Variants in CDON observed in about 807,000 individuals in gnomAD.
CDON encodes cell adhesion molecule-related/down-regulated by oncogenes.
CDON carries 73 observed loss-of-function variants against 120.9 expected under a neutral mutation model. The ratio of observed to expected loss-of-function variants is 0.60; its 90% CI spans 0.50 to 0.73. CDON has a LOEUF of 0.73. CDON is among the 30% of genes least tolerant of loss of function. The pLI, the probability that CDON is intolerant of heterozygous loss-of-function variation, is 0.00. For synonymous variants in CDON, 566 were observed against 573.5 expected, an observed-to-expected ratio of 0.99 and a Z score of 0.19; for missense variants, 1,470 against 1,587.3, an observed-to-expected ratio of 0.93 and a Z score of 1.26.
chr11:125,972,164 G>T (rs11220291), intron 18 of CDON, among the ~76,000 whole-genome samples: 51 of 152,096 alleles, frequency 3.4e-4, no homozygotes, highest in Middle Eastern at 3.4e-3. Context: ...GGTAGCTCGC[G>T]CCTGTAATCT....
chr11:125,994,906 C>A lies in CDON; in HGVS notation c.2509G>T (p.Ala837Ser), dbSNP rs1946736335. 2 of 1,614,060 alleles carry A rather than the reference C, an allele frequency of 1.2e-6. No homozygotes were observed. The highest frequency in any genetic ancestry group is 1.7e-6 in the Non-Finnish European group (2 of 1,179,976). ...AGCATGATCTGAGTATCGCTGACAG[C>A]CTCTGTGTATGCAATGTGAGGTCCA... ...ITGPHIAYTE[A>S]VSDTQIMLKW... The change falls in exon 13 of 20, where the codon GCT (alanine) becomes TCT (serine). Residue 837 changes from alanine (A) to serine (S), a missense_variant. Physicochemically the swap from Ala to Ser is moderately conservative, Grantham distance 99 (BLOSUM62 1). Coordinates refer to ENST00000531738, the MANE Select transcript of CDON (RefSeq NM_001378964.1).
chr11:126,023,460 C>G lies in CDON; in HGVS notation c.17G>C (p.Gly6Ala), dbSNP rs1947696606. Reference protein sequence around the residue: MHPDLGPLCTLLYVTL... With the variant: MHPDLAPLCTLLYVTL... ...AACATACAGCAGTGTACATAAGGGT[C>G]CAAGATCCGGATGCATAGCGCCAGA... Residue 6 changes from glycine to alanine, a missense_variant, in exon 2 of 20, where the codon GGA becomes GCA. Transcript: ENST00000531738. The G allele has an allele frequency of 2.5e-6, 4 of 1,612,948 alleles. No individual in the cohort carries two copies. Among genetic ancestry groups the G allele is most frequent in the Non-Finnish European group, 3.4e-6 (4 of 1,178,938 alleles).
At chr11:125,973,134 C>T (rs1350344699) in intron 18 of CDON, among the ~76,000 whole-genome samples, 1 of 147,818 alleles carries the variant, frequency 6.8e-6, no homozygotes, top group Admixed American at 6.9e-5. Context: ...TGCTAGTCTA[C>T]TGTTTCTCAT....
intron 1 of CDON, among the ~76,000 whole-genome samples, chr11:126,024,164 G>C (rs1947719107): frequency 6.6e-6 from 1 of 152,248 alleles, no homozygotes; most frequent in South Asian, 2.1e-4. Context: ...GATGAAGCCA[G>C]AGAGGCAGGC....
At chr11:126,023,327 G>A in intron 2 of CDON, 74 bp downstream of exon 2, 1 of 923,182 alleles carries the variant, frequency 1.1e-6, no homozygotes, top group African/African-American at 1.6e-5. Flanking sequence ...ACAAAGCATT[G>A]AAGTACAAAT....
intron 1 of CDON, among the ~76,000 whole-genome samples, chr11:126,051,657 T>TC (rs1473842850): frequency 7.0e-6 from 1 of 142,546 alleles, no homozygotes; most frequent in Non-Finnish European, 1.5e-5. Context: ...TTTTTCTTTT[T>TC]TTTTTTTTTT....
At chr11:125,989,125 T>G (rs1421037488) in intron 15 of CDON, among the ~76,000 whole-genome samples, 3 of 152,168 alleles carry the variant, frequency 2.0e-5, no homozygotes, top group African/African-American at 7.2e-5. Context: ...GGATTAATGA[T>G]TATGTAAACT....
intron 14 of CDON, among the ~76,000 whole-genome samples, chr11:125,993,209 T>C (rs1946679232): frequency 6.6e-6 from 1 of 152,188 alleles, no homozygotes; most frequent in Non-Finnish European, 1.5e-5. Flanking sequence ...TTGTTCTTTG[T>C]GGACTCCATT....
chr11:126,006,030 T>C lies in CDON; in HGVS notation c.1580A>G (p.Glu527Gly), dbSNP rs780062040. 4 of 1,614,040 alleles carry C rather than the reference T, an allele frequency of 2.5e-6. No homozygotes were observed. In the South Asian group the frequency reaches 4.4e-5, roughly 18 times the overall value. The change falls in exon 9 of 20, where the codon GAG (glutamate) becomes GGG (glycine). Residue 527 changes from glutamate (E) to glycine (G), a missense_variant. Glu to Gly is a moderately conservative substitution (Grantham distance 98). Transcript: ENST00000531738. The stretch of plus-strand genomic sequence containing the variant: ...AGCAGCATCAGGAAGTGTGACTGTC[T>C]CTGCTTTTGTATTTGTTTCAAAAGG... ...VVPFETNTKA[E>G]TVTLPDAAQN...
intron 15 of CDON, among the ~76,000 whole-genome samples, chr11:125,986,826 A>C (rs1946480238): frequency 6.6e-6 from 1 of 151,942 alleles, no homozygotes. Context: ...TAGCAGCATC[A>C]ACCACACAAA....
At chr11:126,029,236 A>G (rs929078727) in intron 1 of CDON, among the ~76,000 whole-genome samples, 1 of 152,228 alleles carries the variant, frequency 6.6e-6, no homozygotes, top group Admixed American at 6.5e-5. Context: ...GTTACATAAA[A>G]GTAACTGGAA....
intron 1 of CDON, among the ~76,000 whole-genome samples, chr11:126,038,658 A>G (rs1489598127): frequency 7.0e-6 from 1 of 142,196 alleles, no homozygotes; most frequent in African/African-American, 2.6e-5. Flanking sequence ...GTCTCAAAAT[A>G]AAAAAAAAAA....
chr11:126,042,782 C>A (rs573510072), intron 1 of CDON, among the ~76,000 whole-genome samples: 22 of 152,126 alleles, frequency 1.4e-4, no homozygotes, highest in Non-Finnish European at 2.8e-4. Flanking sequence ...CTGCCATGCT[C>A]GGCTTCTTTT....
At chr11:125,963,976 CTT>C (rs1945721048) in intron 18 of CDON, among the ~76,000 whole-genome samples, 1 of 152,196 alleles carries the variant, frequency 6.6e-6, no homozygotes, top group Non-Finnish European at 1.5e-5. Flanking sequence ...AACTTACTCT[CTT>C]GTCTATTTTA....
rs1222751918 is a variant in CDON, at chr11:126,062,655, C to CCGCG, written c.-142_-139dup. The stretch of plus-strand genomic sequence containing the variant: ...GGAAAGCCACCCCCAGGTCATCCCC[C>CCGCG]CGCGCGCGCGCGGCGGCGGCTACGG... On this transcript the variant is annotated 5_prime_UTR_variant, in exon 1 of 20. It introduces an in-frame stop codon into an upstream open reading frame of the 5' UTR. Transcript: ENST00000531738. 1.9e-5 allele frequency: 3 copies of CCGCG among 154,008 alleles called. No homozygotes were observed. The highest frequency in any genetic ancestry group is 7.2e-5 in the African/African-American group (3 of 41,434). The allele number at this position is 154,008 out of a possible 1,614,324, so 9.5% of individuals were successfully genotyped here. A position where few individuals can be genotyped will look rare whatever the true frequency, so the allele number is the denominator to read the frequency against.
intron 18 of CDON, among the ~76,000 whole-genome samples, chr11:125,964,265 T>C (rs552024073): frequency 2.6e-5 from 4 of 152,358 alleles, no homozygotes; most frequent in South Asian, 4.1e-4. Flanking sequence ...TATACATCTA[T>C]ATAACTAACC....
chr11:126,004,842 C>T (rs148011448), intron 9 of CDON, among the ~76,000 whole-genome samples: 187 of 152,124 alleles, frequency 1.2e-3, no homozygotes, highest in African/African-American at 3.6e-3. Flanking sequence ...GGAATGCATC[C>T]CTCCCATTTC....
rs1300846023 is a variant in CDON at position 126,021,539 on chromosome 11, C to T, written c.77-19G>A. The T allele has an allele frequency of 6.2e-7, 1 of 1,611,222 alleles. No individual in the cohort carries two copies. The highest frequency in any genetic ancestry group is 8.5e-7 in the Non-Finnish European group (1 of 1,177,962). Reference sequence around the variant, plus strand: ...GCCAAGTCTACAAGGGAATATTCCCCATATGCAAAGAAAGCAGGGGAGAAA... The same window carrying T: ...GCCAAGTCTACAAGGGAATATTCCCTATATGCAAAGAAAGCAGGGGAGAAA... On this transcript the variant is annotated intron_variant, in intron 2 of 19. Coordinates refer to ENST00000531738, the MANE Select transcript of CDON (RefSeq NM_001378964.1).
At chr11:126,036,111 C>T (rs1358389141) in intron 1 of CDON, among the ~76,000 whole-genome samples, 1 of 152,086 alleles carries the variant, frequency 6.6e-6, no homozygotes. Context: ...GCAGATAGAC[C>T]CAACCTGGAA....
Sources: gnomAD v4.1 joint callset for allele counts (sites outside exome capture counted in the v4.1 genomes callset) on GRCh38, gnomAD v4.1.1 for gene constraint, MANE v1.5 for transcripts, NCBI Gene and HGNC (gene_info 2026-07-23, HGNC 2026-07-21) for gene names.